The following KHDRBS2 variants were observed in gnomAD, a reference collection of about 807,000 sequenced individuals.
KHDRBS2 encodes KH RNA binding domain containing, signal transduction associated 2, also known as KH domain-containing, RNA-binding, signal transduction-associated protein 2.
KHDRBS2 carries 26 observed loss-of-function variants against 44.3 expected under a neutral mutation model. The observed-to-expected ratio is 0.59, with a 90% confidence interval of 0.43 to 0.81. The LOEUF is 0.81. Ranked by LOEUF, KHDRBS2 falls within the 40% of genes least tolerant of loss-of-function variation. The pLI is 0.00. For missense variants in KHDRBS2, 476 were observed against 433.1 expected (o/e 1.10, Z -0.88); for synonymous variants, 194 against 151.1 (o/e 1.28, Z -2.08).
chr6:61,560,457 C>T, the KHDRBS2 span, among the ~76,000 whole-genome samples: 3 of 152,084 alleles, frequency 2.0e-5, no homozygotes, highest in Non-Finnish European at 4.4e-5. Flanking sequence ...TCCTTTGAGG[C>T]TATTTTCTAT....
rs1765525741 is a variant in KHDRBS2 at position 61,954,382 on chromosome 6, TGCATACATATATACGTATGTATG to T, written c.483+23661_483+23683del. 1.4e-5 allele frequency among the ~76,000 whole-genome samples: 2 copies of T among 145,400 alleles called. 1 individual carries two copies. The highest frequency in any genetic ancestry group is 3.1e-5 in the Non-Finnish European group (2 of 65,274). The stretch of plus-strand genomic sequence containing the variant: ...GCATACATATATACGTATGTATGCA[TGCATACATATATACGTATGTATG>T]CATGCATACATATATACGTATGTAT... On this transcript the variant is annotated intron_variant, in intron 4 of 8. Coordinates refer to ENST00000281156, the MANE Select transcript of KHDRBS2 (RefSeq NM_152688.4).
intron 3 of KHDRBS2, among the ~76,000 whole-genome samples, chr6:62,021,289 G>GA (rs960067186): frequency 1.1e-4 from 17 of 151,950 alleles, no homozygotes; most frequent in African/African-American, 2.9e-4. Context: ...GAGAGATTCA[G>GA]AAAAAATAAT....
chr6:61,772,633 A>C (rs546743481), intron 6 of KHDRBS2, among the ~76,000 whole-genome samples: 2 of 151,580 alleles, frequency 1.3e-5, no homozygotes, highest in East Asian at 1.9e-4. Context: ...ATTCTCTTTT[A>C]TTTTATTTTA....
In KHDRBS2 at chr6:62,096,129, G is replaced by A. The variant is rs1370894731; in HGVS notation, c.220-48135C>T. Among the ~76,000 whole-genome samples the A allele has an allele frequency of 6.6e-5, 10 of 151,808 alleles. 1 individual carries two copies. The highest frequency in any genetic ancestry group is 2.4e-5 in the African/African-American group (1 of 41,400). ...TTGGATTTGGTTTGCTAGTATTTTG[G>A]TGGGGATTTTTTGCATCTATGTTCA... On this transcript the variant is annotated intron_variant, in intron 2 of 8. Transcript: ENST00000281156.
At chr6:61,890,929 T>C (rs1801729573) in intron 6 of KHDRBS2, among the ~76,000 whole-genome samples, 2 of 152,094 alleles carry the variant, frequency 1.3e-5, no homozygotes, top group African/African-American at 2.4e-5. Flanking sequence ...CCTGTTCAAG[T>C]AGAAGTGGAT....
chr6:61,956,855 C>T (rs144201372), intron 4 of KHDRBS2, among the ~76,000 whole-genome samples: 325 of 152,032 alleles, frequency 2.1e-3, no homozygotes, highest in Admixed American at 3.4e-3. Flanking sequence ...TGAGTTAAGT[C>T]GCTTAGAATA....
intron 1 of KHDRBS2, among the ~76,000 whole-genome samples, chr6:62,248,547 C>T (rs541114524): frequency 1.3e-5 from 2 of 151,834 alleles, no homozygotes; most frequent in African/African-American, 2.4e-5. Context: ...TTAGTAGAGA[C>T]GGGGTTTCAC....
chr6:61,697,065 T>C (rs771838357), intron 8 of KHDRBS2, 130 bp downstream of exon 8: 4 of 713,664 alleles, frequency 5.6e-6, no homozygotes, highest in Non-Finnish European at 1.0e-5. Context: ...AATCTCACCC[T>C]GGAATTACAT....
chr6:62,179,593 G>A (rs989401098), intron 1 of KHDRBS2, among the ~76,000 whole-genome samples: 26 of 151,746 alleles, frequency 1.7e-4, no homozygotes, highest in East Asian at 1.9e-4. Flanking sequence ...TGAGGTAATC[G>A]TAATGTGGAA....
intron 2 of KHDRBS2, among the ~76,000 whole-genome samples, chr6:62,116,884 C>CT (rs1178303279): frequency 5.3e-5 from 8 of 152,100 alleles, no homozygotes; most frequent in Admixed American, 5.2e-4. Flanking sequence ...CCATGCCTGG[C>CT]TTTTTTCACT....
chr6:61,555,892 C>T, the KHDRBS2 span, among the ~76,000 whole-genome samples: 2 of 152,166 alleles, frequency 1.3e-5, no homozygotes. Context: ...ACCTGCTGTG[C>T]TGGAGAGGCC....
chr6:62,181,631 A>C (rs1012022775), intron 1 of KHDRBS2, among the ~76,000 whole-genome samples: 9 of 151,986 alleles, frequency 5.9e-5, no homozygotes, highest in Admixed American at 2.0e-4. Flanking sequence ...CAGTATAGAG[A>C]TTCCTTAAAA....
At chr6:61,602,424 T>C in the KHDRBS2 span, among the ~76,000 whole-genome samples, 2 of 152,080 alleles carry the variant, frequency 1.3e-5, no homozygotes, top group African/African-American at 2.4e-5. Context: ...TAGCCCAGGA[T>C]TCCTCCTAAG....
chr6:61,879,482 T>C (rs1799912338), intron 6 of KHDRBS2, among the ~76,000 whole-genome samples: 1 of 151,900 alleles, frequency 6.6e-6, no homozygotes, highest in Non-Finnish European at 1.5e-5. Context: ...GATATATCTA[T>C]CTAATTATTA....
chr6:62,259,449 C>T (rs981333755), intron 1 of KHDRBS2, among the ~76,000 whole-genome samples: 11 of 151,780 alleles, frequency 7.2e-5, no homozygotes, highest in African/African-American at 2.4e-4. Context: ...ACTCCATTGC[C>T]TCATTCCATC....
the KHDRBS2 span, among the ~76,000 whole-genome samples, chr6:61,602,098 T>A: frequency 1.3e-5 from 2 of 152,144 alleles, no homozygotes; most frequent in Non-Finnish European, 2.9e-5. Flanking sequence ...ATTCTCAATA[T>A]GCATTTTATT....
chr6:61,927,211 G>A (rs1809137784), intron 4 of KHDRBS2, among the ~76,000 whole-genome samples: 1 of 151,936 alleles, frequency 6.6e-6, no homozygotes, highest in Non-Finnish European at 1.5e-5. Flanking sequence ...AGGTCCTTAG[G>A]AGAATAAATG....
intron 4 of KHDRBS2, among the ~76,000 whole-genome samples, chr6:61,916,965 ATTTTTTTTT>A (rs10700035): frequency 2.2e-5 from 2 of 90,640 alleles, no homozygotes; most frequent in Admixed American, 1.4e-4. Context: ...GGAACTCTGT[ATTTTTTTTT>A]TTTTTTTTTT....
In KHDRBS2 at chr6:61,978,225, T is replaced by C; in HGVS notation, c.337-13A>G. Reference sequence around the variant, plus strand: ...TTAGTTCTTCTTCCTGTGAAAAAGGTTATTTTTAGAAATACAAATCCACTC... The same window carrying C: ...TTAGTTCTTCTTCCTGTGAAAAAGGCTATTTTTAGAAATACAAATCCACTC... On this transcript the variant is annotated splice_polypyrimidine_tract_variant and intron_variant, in intron 3 of 8. Transcript: ENST00000281156. 6.3e-7 allele frequency: 1 copy of C among 1,595,772 alleles called. No homozygotes were observed. Among genetic ancestry groups the C allele is most frequent in the Non-Finnish European group, 8.5e-7 (1 of 1,169,888 alleles).
Sources: allele counts gnomAD v4.1 joint callset (sites outside exome capture counted in the v4.1 genomes callset), GRCh38; gene constraint gnomAD v4.1.1; transcripts MANE v1.5; gene names NCBI Gene and HGNC (gene_info 2026-07-23, HGNC 2026-07-21).